Variants in KDELR1 observed in about 807,000 individuals in gnomAD.
The protein encoded by KDELR1 is ER lumen protein-retaining receptor 1.
In KDELR1, 16 loss-of-function variants were observed where a neutral mutation model predicts 25.5. The observed-to-expected ratio is 0.63, with a 90% CI of 0.43 to 0.95. The LOEUF is 0.95. Among genes scored for constraint, KDELR1 ranks in the 40% least tolerant of loss-of-function variants. The pLI is 0.00. For synonymous variants in KDELR1, 121 were observed against 115.0 expected (o/e 1.05, Z -0.33); for missense variants, 159 against 265.2 (o/e 0.60, Z 2.78).
At position 48,389,761 on chromosome 19, in the gene KDELR1, C is replaced by T. The variant is rs200166437; in HGVS notation, c.193-50G>A. On this transcript the variant is annotated intron_variant, in intron 2 of 4. Transcript: ENST00000330720. ...GGCCTCAACTCACAGGCCTGTGCCC[C>T]AGTAGGCTCAGAGCCCGGAGTCCAG... The T allele has an allele frequency of 5.6e-6, 9 of 1,601,118 alleles. No individual in the cohort carries two copies. The African/African-American group carries it at 1.2e-4, about 21-fold the overall frequency.
chr19:48,383,151 C>G lies in KDELR1; in HGVS notation c.*142G>C. 1 of 878,874 alleles carries G rather than the reference C, an allele frequency of 1.1e-6. No homozygotes were observed. Among genetic ancestry groups the G allele is most frequent in the Non-Finnish European group, 1.8e-6 (1 of 554,178 alleles). 54.4% of individuals were successfully genotyped at this position (878,874 alleles called of 1,614,324 possible). On this transcript the variant is annotated 3_prime_UTR_variant, in exon 5 of 5. Coordinates refer to ENST00000330720, the MANE Select transcript of KDELR1 (RefSeq NM_006801.3). ...AAGACCTGGATCCTCCACTGTCCCC[C>G]TGAAACCCGGCAGGAGGCGGGATGG...
chr19:48,397,172 G>A, the KDELR1 span, among the ~76,000 whole-genome samples: 5 of 151,692 alleles, frequency 3.3e-5, no homozygotes, highest in Admixed American at 1.3e-4. Context: ...CTTGCTTTGA[G>A]AATGAGGGGA....
rs757167537 is a variant in KDELR1 at position 48,384,499 on chromosome 19, G to A, written c.352-17C>T. On this transcript the variant is annotated splice_polypyrimidine_tract_variant and intron_variant, in intron 3 of 4. Transcript: ENST00000330720. This position sits in a 1 kb window ranked among gnomAD's most constrained non-coding sequence, Gnocchi z 4.6. ...CCAGAGGATCTGCAGAGAGGCCGGGGACATGATGAGGTGGGAGGGGACAGG... is the reference window on the plus strand; with the variant it reads ...CCAGAGGATCTGCAGAGAGGCCGGGAACATGATGAGGTGGGAGGGGACAGG... 9.3e-6 allele frequency: 15 copies of A among 1,608,142 alleles called. No homozygotes were observed. The Admixed American group carries it at 2.4e-4, about 25-fold the overall frequency.
chr19:48,384,526 C>T lies in KDELR1; in HGVS notation c.352-44G>A, dbSNP rs771397018. On this transcript the variant is annotated intron_variant, in intron 3 of 4. Transcript: ENST00000330720. This position sits in a 1 kb window ranked among gnomAD's most constrained non-coding sequence, Gnocchi z 4.6. ...CATGATGAGGTGGGAGGGGACAGGG[C>T]GGGAGAAAAGGCAGAGGACAACATT... is the stretch of plus-strand genomic sequence containing the variant. 6.3e-6 allele frequency: 10 copies of T among 1,586,958 alleles called. No individual in the cohort carries two copies. The highest frequency in any genetic ancestry group is 4.5e-5 in the East Asian group (2 of 44,200).
upstream of KDELR1, among the ~76,000 whole-genome samples, chr19:48,393,775 G>GCAGCCTCCCT (rs1235434493): frequency 6.6e-6 from 1 of 152,120 alleles, no homozygotes; most frequent in Non-Finnish European, 1.5e-5. The surrounding 1 kb of genome is among the most constrained non-coding windows in gnomAD (Gnocchi z 5.6). Flanking sequence ...GCAGCCTCCC[G>GCAGCCTCCCT]CAGCCTCCCT....
chr19:48,390,727 G>A, intron 1 of KDELR1: 1 of 548,582 alleles, frequency 1.8e-6, no homozygotes, highest in Non-Finnish European at 3.3e-6. Flanking sequence ...CGCCCCGCCT[G>A]AGCAGGGCCC....
chr19:48,393,281 C>CA (rs1172362576), upstream of KDELR1, among the ~76,000 whole-genome samples: 1 of 152,086 alleles, frequency 6.6e-6, no homozygotes, highest in African/African-American at 2.4e-5. The surrounding 1 kb of genome is among the most constrained non-coding windows in gnomAD (Gnocchi z 5.6). Context: ...ACCTGGTTTT[C>CA]AGGCCTGGCC....
chr19:48,387,946 G>C (rs890600577), intron 3 of KDELR1: 1 of 152,202 alleles, frequency 6.6e-6, no homozygotes, highest in Non-Finnish European at 1.5e-5. Flanking sequence ...CCAGGAGTTT[G>C]TACAGGTCCC....
intron 3 of KDELR1, chr19:48,387,729 T>C (rs989413697): frequency 2.7e-5 from 4 of 150,066 alleles, no homozygotes; most frequent in Non-Finnish European, 3.0e-5. Flanking sequence ...AATCTGTGGC[T>C]AAAATTTTAA....
At chr19:48,394,533 GGA>G (rs1246394280), upstream of KDELR1, among the ~76,000 whole-genome samples, 1 of 149,348 alleles carries the variant, frequency 6.7e-6, no homozygotes, top group Non-Finnish European at 1.5e-5. This position sits in a 1 kb window ranked among gnomAD's most constrained non-coding sequence, Gnocchi z 5.1. Context: ...TGGAAAGGGG[GGA>G]GGAGCCGGGG....
chr19:48,390,735 C>G (rs1160806274), intron 1 of KDELR1: 2 of 551,866 alleles, frequency 3.6e-6, no homozygotes, highest in East Asian at 6.1e-5. Context: ...CTGAGCAGGG[C>G]CCTTTCCCAC....
chr19:48,387,689 A>G (rs1490084447), intron 3 of KDELR1: 2 of 145,368 alleles, frequency 1.4e-5, no homozygotes, highest in Non-Finnish European at 3.0e-5. Flanking sequence ...TCAAAAAAGA[A>G]AAAAAAAAAA....
chr19:48,384,947 G>C lies in KDELR1; in HGVS notation c.352-465C>G, dbSNP rs1313200620. Reference sequence around the variant, plus strand: ...TGTCACCCAGGCTGGAGTGCCATGGGGTGATCTCGGCTCACTGCAACCTCT... The same window carrying C: ...TGTCACCCAGGCTGGAGTGCCATGGCGTGATCTCGGCTCACTGCAACCTCT... On this transcript the variant is annotated intron_variant, in intron 3 of 4. Transcript: ENST00000330720. This position sits in a 1 kb window ranked among gnomAD's most constrained non-coding sequence, Gnocchi z 4.6. Among the ~76,000 whole-genome samples the C allele has an allele frequency of 6.6e-6, 1 of 151,314 alleles. No homozygotes were observed. The highest frequency in any genetic ancestry group is 1.5e-5 in the Non-Finnish European group (1 of 67,798).
At position 48,391,289 on chromosome 19, in the gene KDELR1, A is replaced by G; in HGVS notation, c.70T>C (p.Trp24Arg). ...LAIILLLLKI[W>R]KSRSCAGISG... Reference sequence around the variant, plus strand: ...TCACCGGCGCACGAGCGGGACTTCCAGATTTTGAGCAGTAGCAAGATGATG... The same window carrying G: ...TCACCGGCGCACGAGCGGGACTTCCGGATTTTGAGCAGTAGCAAGATGATG... The change falls in exon 1 of 5, where the codon TGG (tryptophan) becomes CGG (arginine). Residue 24 changes from tryptophan (W) to arginine (R), a missense_variant. Coordinates refer to ENST00000330720, the MANE Select transcript of KDELR1 (RefSeq NM_006801.3). 1 of 1,557,706 alleles carries G rather than the reference A, an allele frequency of 6.4e-7. No individual in the cohort carries two copies. The highest frequency in any genetic ancestry group is 8.7e-7 in the Non-Finnish European group (1 of 1,150,484).
At chr19:48,395,489 G>A (rs1362814491), upstream of KDELR1, among the ~76,000 whole-genome samples, 2 of 152,030 alleles carry the variant, frequency 1.3e-5, no homozygotes, top group South Asian at 2.1e-4. Flanking sequence ...GGGAGAGACC[G>A]ATGTTGTGTG....
chr19:48,391,670 G>A, upstream of KDELR1: 1 of 409,510 alleles, frequency 2.4e-6, no homozygotes, highest in Non-Finnish European at 4.6e-6. Context: ...GGCGCTAAAC[G>A]CACCCCCAAA....
upstream of KDELR1, among the ~76,000 whole-genome samples, chr19:48,396,179 G>A (rs572030171): frequency 3.3e-5 from 5 of 152,154 alleles, no homozygotes; most frequent in South Asian, 2.1e-4. Flanking sequence ...AGATGGAGGC[G>A]GGGGGAGCGG....
intron 3 of KDELR1, among the ~76,000 whole-genome samples, chr19:48,389,250 A>G (rs1970521844): frequency 6.6e-6 from 1 of 152,218 alleles, no homozygotes; most frequent in Admixed American, 6.5e-5. Context: ...AGTCTGGGCA[A>G]CAGAGCGAGA....
At chr19:48,395,648 T>G (rs1257468784), upstream of KDELR1, among the ~76,000 whole-genome samples, 1 of 151,904 alleles carries the variant, frequency 6.6e-6, no homozygotes, top group African/African-American at 2.4e-5. Context: ...CCCTAGGAAT[T>G]TCTGGCACCC....
Sources: gnomAD v4.1 joint callset for allele counts (sites outside exome capture counted in the v4.1 genomes callset) on GRCh38, gnomAD v4.1.1 for gene constraint, Gnocchi (gnomAD v3.1) non-coding constraint, MANE v1.5 for transcripts, NCBI Gene and HGNC (gene_info 2026-07-23, HGNC 2026-07-21) for gene names.